BANP: variants seen among roughly 807,000 people sequenced by gnomAD.
BANP encodes the protein BTG3 associated nuclear protein, also known as protein BANP.
In BANP, 11 loss-of-function variants were observed where a neutral mutation model predicts 68.1. The observed-to-expected ratio is 0.16, with a 90% CI of 0.10 to 0.27. The LOEUF (loss-of-function observed/expected upper bound fraction) is 0.27. BANP is among the 10% of genes least tolerant of loss of function. The probability of loss-of-function intolerance (pLI) is 1.00; values close to 1 mark genes in which losing one functional copy is unlikely to be tolerated. For missense variants in BANP, 504 were observed against 722.7 expected, an observed-to-expected ratio of 0.70 and a Z score of 3.47; for synonymous variants, 329 against 303.2, an observed-to-expected ratio of 1.09 and a Z score of -0.88.
In BANP at chr16:88,071,306, T is replaced by TGGG. The variant is rs933351958; in HGVS notation, c.1378-762_1378-760dup. Reference sequence around the variant, plus strand: ...GGCTGGGGCTGCCCACCCGCCTGCCTGGGCCGTCTTGACACCGGAGCTGCC... The same window carrying TGGG: ...GGCTGGGGCTGCCCACCCGCCTGCCTGGGGGGCCGTCTTGACACCGGAGCTGCC... On this transcript the variant is annotated intron_variant, in intron 12 of 13. Coordinates refer to ENST00000682872, the MANE Select transcript of BANP (RefSeq NM_001386991.1). The surrounding 1 kb of genome is among the most constrained non-coding windows in gnomAD (Gnocchi z 6.5). 6 of 366,860 alleles carry TGGG rather than the reference T, an allele frequency of 1.6e-5. No individual in the cohort carries two copies. The highest frequency in any genetic ancestry group is 1.3e-4 in the African/African-American group (6 of 47,066). The allele number at this position is 366,860 out of a possible 1,614,324, so 22.7% of individuals were successfully genotyped here.
chr16:88,059,659 G>C (rs1013174668), intron 11 of BANP, among the ~76,000 whole-genome samples: 1 of 152,082 alleles, frequency 6.6e-6, no homozygotes, highest in East Asian at 1.9e-4. Context: ...CACAGATGAA[G>C]CTTTTTGCAG....
chr16:87,976,603 T>C (rs1448327092), intron 2 of BANP, among the ~76,000 whole-genome samples: 1 of 151,918 alleles, frequency 6.6e-6, no homozygotes, highest in Non-Finnish European at 1.5e-5. Flanking sequence ...AATGTTTGAA[T>C]TGAAATGCTC....
intron 11 of BANP, among the ~76,000 whole-genome samples, chr16:88,043,263 G>A (rs2081246656): frequency 6.6e-6 from 1 of 152,216 alleles, no homozygotes; most frequent in African/African-American, 2.4e-5. Flanking sequence ...CCAGGCATGG[G>A]TAGCTCCTTC....
chr16:88,057,260 C>T lies in BANP; in HGVS notation c.1312-8007C>T, dbSNP rs940936243. Among the ~76,000 whole-genome samples, 20 of 152,256 alleles carry T rather than the reference C, an allele frequency of 1.3e-4. No individual in the cohort carries two copies. Among genetic ancestry groups the T allele is most frequent in the African/African-American group, 3.9e-4 (16 of 41,538 alleles). ...CCAGCCGCCAAGAGCTCACCCAGCG[C>T]GCCTGTTGCTTTGGGTGCCTCTGTG... On this transcript the variant is annotated intron_variant, in intron 11 of 13. Coordinates refer to ENST00000682872, the MANE Select transcript of BANP (RefSeq NM_001386991.1). This position sits in a 1 kb window ranked among gnomAD's most constrained non-coding sequence, Gnocchi z 4.6.
rs1378683349 is a variant in BANP at position 88,076,704 on chromosome 16, C to T, written c.*43C>T. On this transcript the variant is annotated 3_prime_UTR_variant, in exon 14 of 14. Transcript: ENST00000682872. The stretch of plus-strand genomic sequence containing the variant: ...AGGAGCCCCTCGCCGGCTCCGCCTA[C>T]GGCCCGGCCCCCACGCGCCCTGCTC... 7.1e-6 allele frequency: 11 copies of T among 1,549,474 alleles called. No homozygotes were observed. Among genetic ancestry groups the T allele is most frequent in the Non-Finnish European group, 8.8e-6 (10 of 1,141,624 alleles).
At chr16:87,984,474 T>C (rs1657951766) in intron 4 of BANP, among the ~76,000 whole-genome samples, 1 of 152,230 alleles carries the variant, frequency 6.6e-6, no homozygotes, top group Non-Finnish European at 1.5e-5. Context: ...TCCTCACGTT[T>C]CCTTTCCACA....
chr16:88,021,265 T>C (rs951409565), intron 7 of BANP, among the ~76,000 whole-genome samples: 2 of 152,146 alleles, frequency 1.3e-5, no homozygotes, highest in African/African-American at 4.8e-5. Context: ...TGAGCTGGGC[T>C]CTGGAGCACG....
intron 11 of BANP, among the ~76,000 whole-genome samples, chr16:88,060,425 T>C (rs1460851366): frequency 2.0e-5 from 3 of 152,218 alleles, no homozygotes; most frequent in Non-Finnish European, 1.5e-5. Context: ...TCAGCTGACG[T>C]TGGACACGCG....
chr16:87,991,455 G>C (rs1169596406), intron 4 of BANP, among the ~76,000 whole-genome samples: 1 of 152,202 alleles, frequency 6.6e-6, no homozygotes, highest in Non-Finnish European at 1.5e-5. Context: ...TCATTGATTG[G>C]CATCGTATTG....
intron 11 of BANP, among the ~76,000 whole-genome samples, chr16:88,045,023 A>C (rs2081651886): frequency 6.6e-6 from 1 of 152,242 alleles, no homozygotes. Context: ...TACACTGCAA[A>C]TATTAATATT....
At chr16:87,956,149 A>C (rs375004343) in intron 1 of BANP, among the ~76,000 whole-genome samples, 1 of 152,228 alleles carries the variant, frequency 6.6e-6, no homozygotes, top group African/African-American at 2.4e-5. Context: ...ACAAATCCCA[A>C]AAACTCCAGT....
intron 11 of BANP, among the ~76,000 whole-genome samples, chr16:88,050,080 C>T (rs1169815736): frequency 7.2e-5 from 11 of 152,190 alleles, no homozygotes; most frequent in East Asian, 5.8e-4. Context: ...CCTTGTCCTC[C>T]GGTCTTATTC....
At chr16:88,023,817 C>G (rs1349914353) in intron 7 of BANP, among the ~76,000 whole-genome samples, 2 of 152,216 alleles carry the variant, frequency 1.3e-5, no homozygotes, top group African/African-American at 4.8e-5. Context: ...GACTGCAGAA[C>G]AGCTCGCCAG....
rs189450197 is a variant in BANP at position 88,009,351 on chromosome 16, G to C, written c.655+3086G>C. Among the ~76,000 whole-genome samples the C allele has an allele frequency of 1.1e-3, 170 of 152,364 alleles. 1 individual carries two copies. In the Middle Eastern group the frequency reaches 0.014, roughly 12 times the overall value. On this transcript the variant is annotated intron_variant, in intron 6 of 13. Coordinates refer to ENST00000682872, the MANE Select transcript of BANP (RefSeq NM_001386991.1). ...TAAGAAATAGGAGCCGCAGGAGACA[G>C]ATTGTTCTTAGCTTCTTATTTAAGT...
Position 87,957,300 on chromosome 16 carries a change from A to AGGC in BANP, c.-69+5789_-69+5791dup, listed in dbSNP as rs1370667733. ...AGCTGTGGAAGGACACATGGAGCAG[A>AGGC]GGCGGCTGAGGAGGTGAAAGGCTGA... On this transcript the variant is annotated intron_variant, in intron 1 of 13. Coordinates refer to ENST00000682872, the MANE Select transcript of BANP (RefSeq NM_001386991.1). The surrounding 1 kb of genome is among the most constrained non-coding windows in gnomAD (Gnocchi z 4.3). Among the ~76,000 whole-genome samples, 1 of 152,204 alleles carries AGGC rather than the reference A, an allele frequency of 6.6e-6. No homozygotes were observed. The highest frequency in any genetic ancestry group is 1.5e-5 in the Non-Finnish European group (1 of 68,038).
chr16:88,035,769 T>G (rs1241562335), intron 10 of BANP, among the ~76,000 whole-genome samples: 1 of 152,202 alleles, frequency 6.6e-6, no homozygotes, highest in African/African-American at 2.4e-5. Flanking sequence ...TGACCTGACA[T>G]ACCCCCTCAC....
At chr16:87,954,865 T>C (rs576964834) in intron 1 of BANP, among the ~76,000 whole-genome samples, 1 of 152,236 alleles carries the variant, frequency 6.6e-6, no homozygotes, top group African/African-American at 2.4e-5. Context: ...TGAGCAGGAA[T>C]TTGCAAGCCT....
intron 7 of BANP, among the ~76,000 whole-genome samples, chr16:88,019,588 C>CGGGGGGCGG (rs1206476247): frequency 1.3e-4 from 1 of 7,704 alleles, no homozygotes; most frequent in Non-Finnish European, 2.9e-4. Context: ...TCCGGGATCT[C>CGGGGGGCGG]GGCGTGCGGG....
At chr16:88,027,415 C>T in intron 7 of BANP, 68 bp from the exon 8 acceptor site, 3 of 1,583,308 alleles carry the variant, frequency 1.9e-6, no homozygotes, top group Non-Finnish European at 2.6e-6. Context: ...CCCGGCCCTG[C>T]AGCCAGGCAG....
Sources: gnomAD v4.1 joint callset for allele counts (sites outside exome capture counted in the v4.1 genomes callset) on GRCh38, gnomAD v4.1.1 for gene constraint, Gnocchi (gnomAD v3.1) non-coding constraint, MANE v1.5 for transcripts, NCBI Gene and HGNC (gene_info 2026-07-23, HGNC 2026-07-21) for gene names.